HS3ST2: variants seen among roughly 807,000 people sequenced by gnomAD.
HS3ST2 encodes heparan sulfate-glucosamine 3-sulfotransferase 2, also known as heparan sulfate glucosamine 3-O-sulfotransferase 2.
Under a neutral mutation model 26.3 loss-of-function variants are expected in HS3ST2, and 17 were observed. The observed-to-expected ratio is 0.65, with a 90% confidence interval of 0.44 to 0.97. The LOEUF is 0.97. HS3ST2 is among the 50% of genes least tolerant of loss of function. The probability of loss-of-function intolerance (pLI) is 0.00; values close to 1 mark genes in which losing one functional copy is unlikely to be tolerated. For missense variants in HS3ST2, 402 were observed against 501.2 expected (o/e 0.80, Z 1.89); for synonymous variants, 237 against 219.2 (o/e 1.08, Z -0.72).
intron 1 of HS3ST2, among the ~76,000 whole-genome samples, chr16:22,848,242 T>C (rs1901472015): frequency 6.6e-6 from 1 of 152,228 alleles, no homozygotes; most frequent in Admixed American, 6.5e-5. Flanking sequence ...GGTCACTTCA[T>C]CTTCTGAGCC....
Position 22,888,850 on chromosome 16 carries a change from G to C in HS3ST2, c.486-26094G>C, listed in dbSNP as rs76421358. Among the ~76,000 whole-genome samples, 757 of 152,348 alleles carry C rather than the reference G, an allele frequency of 5.0e-3. 8 individuals are homozygous for C. The highest frequency in any genetic ancestry group is 0.017 in the African/African-American group (727 of 41,592). On this transcript the variant is annotated intron_variant, in intron 1 of 1. Transcript: ENST00000261374. ...GCACTCTTGCACTCTCTGGGACAGA[G>C]TGAGGTGCCACTACCTCACAGGTTC...
rs8053100 is a variant in HS3ST2, at chr16:22,814,317, G to A, written c.-294G>A. 0.033 allele frequency: 10,538 copies of A among 323,128 alleles called. 1,034 individuals carry two copies. The highest frequency in any genetic ancestry group is 0.21 in the African/African-American group (9,714 of 46,732). The allele number at this position is 323,128 out of a possible 1,614,324, so 20.0% of individuals were successfully genotyped here. A position where few individuals can be genotyped will look rare whatever the true frequency, so the allele number is the denominator to read the frequency against. ...GCGCTGGGCGCGCTCCGAACCCGGCGCACGTAAGAGCCTGGGAGCGCCCGA... is the reference window on the plus strand; with the variant it reads ...GCGCTGGGCGCGCTCCGAACCCGGCACACGTAAGAGCCTGGGAGCGCCCGA... On this transcript the variant is annotated 5_prime_UTR_variant, in exon 1 of 2. Transcript: ENST00000261374.
intron 1 of HS3ST2, among the ~76,000 whole-genome samples, chr16:22,852,943 T>C (rs1335129683): frequency 7.3e-6 from 1 of 137,150 alleles, no homozygotes. Flanking sequence ...TTCTGACTAA[T>C]CTCACGAAAG....
intron 1 of HS3ST2, among the ~76,000 whole-genome samples, chr16:22,869,350 T>C (rs1481098816): frequency 6.6e-6 from 1 of 152,222 alleles, no homozygotes; most frequent in Non-Finnish European, 1.5e-5. Flanking sequence ...TCTCTAATCT[T>C]GAACAGGTTA....
chr16:22,886,321 A>G (rs893511288), intron 1 of HS3ST2, among the ~76,000 whole-genome samples: 1 of 152,170 alleles, frequency 6.6e-6, no homozygotes, highest in Admixed American at 6.5e-5. Context: ...GGGAAATACA[A>G]CTTGGGGAGG....
intron 1 of HS3ST2, among the ~76,000 whole-genome samples, chr16:22,893,908 T>TC (rs1265435572): frequency 6.6e-6 from 1 of 152,156 alleles, no homozygotes; most frequent in Non-Finnish European, 1.5e-5. Context: ...CACCTCAGCC[T>TC]CCCAAGCAGC....
At chr16:22,911,455 T>C (rs1204821980) in intron 1 of HS3ST2, among the ~76,000 whole-genome samples, 1 of 152,224 alleles carries the variant, frequency 6.6e-6, no homozygotes, top group African/African-American at 2.4e-5. Flanking sequence ...CCATAACAAA[T>C]TACTGCAAAC....
At chr16:22,859,930 A>G (rs1490367824) in intron 1 of HS3ST2, among the ~76,000 whole-genome samples, 1 of 152,034 alleles carries the variant, frequency 6.6e-6, no homozygotes, top group Non-Finnish European at 1.5e-5. Context: ...TGTGCACCCC[A>G]GCTCCCTGAC....
intron 1 of HS3ST2, among the ~76,000 whole-genome samples, chr16:22,887,211 C>T (rs974452607): frequency 2.0e-5 from 3 of 152,232 alleles, no homozygotes; most frequent in Non-Finnish European, 4.4e-5. Context: ...CAGCACATGA[C>T]CTTGCTCCTG....
chr16:22,823,315 A>G (rs1174089077), intron 1 of HS3ST2, among the ~76,000 whole-genome samples: 2 of 152,246 alleles, frequency 1.3e-5, no homozygotes, highest in Non-Finnish European at 2.9e-5. Context: ...ATCAATATCA[A>G]TGTGAGATGT....
At position 22,864,882 on chromosome 16, in the gene HS3ST2, C is replaced by CAAGAAAAA. The variant is rs1274923502; in HGVS notation, c.485+49789_485+49790insGAAAAAAA. On this transcript the variant is annotated intron_variant, in intron 1 of 1. Transcript: ENST00000261374. ...GCAACATAGGGAGACCCTGTCTCCA[C>CAAGAAAAA]AAAAAAAAAAAAAAAAAAAATAGCC... 6.5e-4 allele frequency among the ~76,000 whole-genome samples: 37 copies of CAAGAAAAA among 57,152 alleles called. 1 individual carries two copies. Among genetic ancestry groups the CAAGAAAAA allele is most frequent in the African/African-American group, 2.3e-3 (36 of 15,650 alleles). 37.5% of individuals were successfully genotyped at this position (57,152 alleles called of 152,430 possible).
At chr16:22,841,105 G>A (rs1043360807) in intron 1 of HS3ST2, among the ~76,000 whole-genome samples, 8 of 151,684 alleles carry the variant, frequency 5.3e-5, no homozygotes, top group Admixed American at 1.3e-4. Flanking sequence ...ATTGTCACCC[G>A]GGCTGGAGTG....
chr16:22,855,704 C>CTCTG (rs936833836), intron 1 of HS3ST2, among the ~76,000 whole-genome samples: 3 of 149,588 alleles, frequency 2.0e-5, no homozygotes, highest in African/African-American at 7.3e-5. Context: ...CTGTCTCTCT[C>CTCTG]TCTCTCTCTC....
chr16:22,912,598 G>A (rs947250928), intron 1 of HS3ST2, among the ~76,000 whole-genome samples: 3 of 152,210 alleles, frequency 2.0e-5, no homozygotes, highest in African/African-American at 4.8e-5. Context: ...CAGAGGCACT[G>A]CTCCCTGCAG....
intron 1 of HS3ST2, among the ~76,000 whole-genome samples, chr16:22,819,128 C>A (rs538756571): frequency 4.6e-4 from 24 of 51,772 alleles, no homozygotes; most frequent in Admixed American, 1.5e-3. Context: ...TCCTTCCTTC[C>A]TTCATTCCTT....
At chr16:22,896,622 T>C (rs1902214207) in intron 1 of HS3ST2, among the ~76,000 whole-genome samples, 1 of 152,248 alleles carries the variant, frequency 6.6e-6, no homozygotes, top group Admixed American at 6.5e-5. Context: ...TTCTAATGTT[T>C]ATTTTTGACA....
At chr16:22,844,243 T>C (rs1421357855) in intron 1 of HS3ST2, among the ~76,000 whole-genome samples, 1 of 152,138 alleles carries the variant, frequency 6.6e-6, no homozygotes, top group Non-Finnish European at 1.5e-5. Flanking sequence ...TGTAACAAAC[T>C]TTTTGTTTTA....
chr16:22,855,490 C>T (rs1307170665), intron 1 of HS3ST2, among the ~76,000 whole-genome samples: 4 of 152,184 alleles, frequency 2.6e-5, no homozygotes, highest in Non-Finnish European at 5.9e-5. Context: ...TTCCTGCTGC[C>T]TTGGGAAATT....
intron 1 of HS3ST2, among the ~76,000 whole-genome samples, chr16:22,846,654 G>A (rs1300124880): frequency 2.6e-5 from 4 of 152,144 alleles, no homozygotes; most frequent in Non-Finnish European, 5.9e-5. Context: ...TGAGAGGTTC[G>A]AGGAACTACC....
Sources: allele counts gnomAD v4.1 joint callset (sites outside exome capture counted in the v4.1 genomes callset), GRCh38; gene constraint gnomAD v4.1.1; transcripts MANE v1.5; gene names NCBI Gene and HGNC (gene_info 2026-07-23, HGNC 2026-07-21).